The following PYROXD2 variants were observed in gnomAD, a reference collection of about 807,000 sequenced individuals.
PYROXD2 encodes pyridine nucleotide-disulphide oxidoreductase domain 2.
A neutral mutation model predicts 71.1 loss-of-function variants in PYROXD2; 69 were observed. That is an observed-to-expected ratio of 0.97 (90% CI 0.80 to 1.19). The LOEUF is 1.19. Among genes scored for constraint, PYROXD2 ranks in the 50% most tolerant of loss-of-function variants. The pLI is 0.00. For missense variants in PYROXD2, 745 were observed against 748.9 expected (o/e 0.99, Z 0.06); for synonymous variants, 287 against 302.7 (o/e 0.95, Z 0.54).
At chr10:98,398,142 C>CA (rs1349036281) in intron 5 of PYROXD2, among the ~76,000 whole-genome samples, 1 of 152,192 alleles carries the variant, frequency 6.6e-6, no homozygotes, top group East Asian at 1.9e-4. Context: ...CTCGGCCTCT[C>CA]AAAGTGCTGG....
intron 2 of PYROXD2, among the ~76,000 whole-genome samples, chr10:98,408,664 T>A (rs1354865037): frequency 6.6e-6 from 1 of 152,200 alleles, no homozygotes; most frequent in Non-Finnish European, 1.5e-5. Flanking sequence ...TGCAAGGATT[T>A]CTATTAATTT....
intron 10 of PYROXD2, among the ~76,000 whole-genome samples, chr10:98,391,476 C>T (rs1202295710): frequency 6.6e-6 from 1 of 152,178 alleles, no homozygotes; most frequent in African/African-American, 2.4e-5. Flanking sequence ...AAAAGTAGTG[C>T]TTTGCCCCTA....
In PYROXD2 at chr10:98,392,565, G is replaced by A. The variant is rs1245700414; in HGVS notation, c.929C>T (p.Thr310Ile). 1 of 1,610,440 alleles carries A rather than the reference G, an allele frequency of 6.2e-7. No homozygotes were observed. The highest frequency in any genetic ancestry group is 1.3e-5 in the African/African-American group (1 of 74,920). The change falls in exon 10 of 16, where the codon ACA becomes ATA. Residue 310 changes from threonine to isoleucine, a missense_variant and splice_region_variant. Thr to Ile is a moderately conservative substitution (Grantham distance 89, BLOSUM62 -1). Coordinates refer to ENST00000370575, the MANE Select transcript of PYROXD2 (RefSeq NM_032709.3). ...ACTGTTCACCTGCACCTTCGCCACT[G>A]TCTAGAGCCCACCAGAACAAGGCCC... ...THGASIFTEK[T>I]VAKVQVNSEG... is the part of the protein sequence containing the mutation.
rs199838422 is a variant in PYROXD2 at position 98,387,216 on chromosome 10, G to C, written c.1539C>G (p.Phe513Leu). 1 of 1,613,908 alleles carries C rather than the reference G, an allele frequency of 6.2e-7. No individual in the cohort carries two copies. The highest frequency in any genetic ancestry group is 1.3e-5 in the African/African-American group (1 of 75,038). ...ILTPPDLERI[F>L]GLPGGNIFHC... ...TTATACATACCCCTCCAGGAAGCCC[G>C]AAGATTCTCTCCAAATCTGGTGGTG... is the stretch of plus-strand genomic sequence containing the variant. Residue 513 changes from phenylalanine to leucine, a missense_variant, in exon 14 of 16, where the codon TTC becomes TTG. By Grantham distance (22) the Phe-to-Leu change is conservative. Coordinates refer to ENST00000370575, the MANE Select transcript of PYROXD2 (RefSeq NM_032709.3).
At chr10:98,392,168 T>G (rs75170506) in intron 10 of PYROXD2, among the ~76,000 whole-genome samples, 1,777 of 152,258 alleles carry the variant, frequency 0.012, 15 homozygotes, top group South Asian at 0.033. Context: ...TGGAAATAAC[T>G]CTAGATTGAA....
intron 14 of PYROXD2, 92 bp downstream of exon 14, chr10:98,387,109 T>A (rs566151429): frequency 2.3e-4 from 220 of 942,428 alleles, no homozygotes; most frequent in Non-Finnish European, 3.4e-4. Flanking sequence ...AAGCTGAGTA[T>A]GGAGGGACAA....
chr10:98,410,574 C>T (rs1282550225), intron 2 of PYROXD2: 2 of 284,184 alleles, frequency 7.0e-6, no homozygotes, highest in Non-Finnish European at 1.3e-5. Context: ...AGTCAAGGGC[C>T]CCCACCCCGC....
chr10:98,400,183 C>T lies in PYROXD2; in HGVS notation c.390G>A (p.Lys130=), dbSNP rs1843344980. The T allele has an allele frequency of 6.2e-7, 1 of 1,613,476 alleles. No individual in the cohort carries two copies. The change falls in exon 5 of 16, where the codon AAG becomes AAA. Residue 130 remains lysine, a synonymous_variant. Transcript: ENST00000370575. ...TGCCCAGCAGAAGGCACCTGGGCAC[C>T]TTGCTGCCTGCACCCTCTTCCAGCA... is the stretch of plus-strand genomic sequence containing the variant. The part of the protein sequence containing the change: ...TPMLEEGAGS[K]VPRCLLLGTD...
chr10:98,393,283 T>C (rs973200844), intron 8 of PYROXD2, among the ~76,000 whole-genome samples, 200 bp from the exon 9 acceptor site: 7 of 152,144 alleles, frequency 4.6e-5, no homozygotes, highest in African/African-American at 1.4e-4. Flanking sequence ...AGTGTGTCTA[T>C]GTGCATAGCT....
At chr10:98,403,389 T>C (rs925813411) in intron 4 of PYROXD2, among the ~76,000 whole-genome samples, 3 of 152,198 alleles carry the variant, frequency 2.0e-5, no homozygotes, top group African/African-American at 7.2e-5. Flanking sequence ...CCCCCTCCTG[T>C]TTCCTCCGAG....
At chr10:98,414,739 TC>T in intron 1 of PYROXD2, 1 of 425,828 alleles carries the variant, frequency 2.3e-6, no homozygotes, top group Non-Finnish European at 4.2e-6. Context: ...CACCTAGTCT[TC>T]CTGTCATTCT....
At chr10:98,411,037 C>T in intron 1 of PYROXD2, 79 bp from the exon 2 acceptor site, 1 of 1,543,918 alleles carries the variant, frequency 6.5e-7, no homozygotes, top group Non-Finnish European at 8.8e-7. Flanking sequence ...GGAATGTGCT[C>T]CCCGCTGCCC....
intron 4 of PYROXD2, among the ~76,000 whole-genome samples, chr10:98,404,916 G>C (rs565767568): frequency 6.6e-6 from 1 of 152,268 alleles, no homozygotes; most frequent in African/African-American, 2.4e-5. Flanking sequence ...CTGCAAATTA[G>C]AGCCCTACCT....
At chr10:98,384,926 G>C in intron 15 of PYROXD2, 21 bp downstream of exon 15, 1 of 1,604,304 alleles carries the variant, frequency 6.2e-7, no homozygotes, top group Non-Finnish European at 8.5e-7. Context: ...CCACAGGGTA[G>C]TGGGACTCCA....
chr10:98,394,554 AC>A (rs1398958353), intron 8 of PYROXD2, among the ~76,000 whole-genome samples: 5 of 151,624 alleles, frequency 3.3e-5, no homozygotes, highest in Non-Finnish European at 7.4e-5. Flanking sequence ...ACACACACAC[AC>A]ACACACACAC....
intron 2 of PYROXD2, 190 bp downstream of exon 2, chr10:98,410,749 C>T (rs1466850053): frequency 1.3e-6 from 1 of 779,580 alleles, no homozygotes; most frequent in East Asian, 2.8e-5. Context: ...CTGTGATGTC[C>T]ACAGCTGGCT....
rs764561316 is a variant in PYROXD2 at position 98,384,942 on chromosome 10, C to G, written c.1675+5G>C. ...CACAGGGTAGTGGGACTCCAGGTCA[C>G]TCACCAGGATGAGCCCCACTTCCAC... On this transcript the variant is annotated splice_donor_5th_base_variant and intron_variant, in intron 15 of 15. Transcript: ENST00000370575. 2.4e-5 allele frequency: 38 copies of G among 1,609,004 alleles called. No individual in the cohort carries two copies. Among genetic ancestry groups the G allele is most frequent in the Non-Finnish European group, 3.2e-5 (38 of 1,178,374 alleles).
intron 2 of PYROXD2, 53 bp from the exon 3 acceptor site, chr10:98,408,050 G>C (rs1843669894): frequency 1.3e-6 from 2 of 1,523,612 alleles, no homozygotes; most frequent in Non-Finnish European, 1.8e-6. Flanking sequence ...TGAAATGTCA[G>C]GGCTCCCTCG....
intron 2 of PYROXD2, among the ~76,000 whole-genome samples, chr10:98,409,192 A>G (rs1843708001): frequency 6.6e-6 from 1 of 152,218 alleles, no homozygotes; most frequent in Non-Finnish European, 1.5e-5. Context: ...GGCAAGCACA[A>G]ACAAAAGCAA....
Sources: gnomAD v4.1 joint callset for allele counts (sites outside exome capture counted in the v4.1 genomes callset) on GRCh38, gnomAD v4.1.1 for gene constraint, MANE v1.5 for transcripts, NCBI Gene and HGNC (gene_info 2026-07-23, HGNC 2026-07-21) for gene names.